Variants in RORA observed in about 807,000 individuals in gnomAD.
RORA encodes the protein RAR related orphan receptor A.
Under a neutral mutation model 69.5 loss-of-function variants are expected in RORA, and 7 were observed. The ratio of observed to expected loss-of-function variants is 0.10; its 90% CI spans 0.06 to 0.19. RORA has a LOEUF of 0.19. RORA is among the 10% of genes least tolerant of loss of function. The pLI is 1.00. For missense variants in RORA, 457 were observed against 663.0 expected (o/e 0.69, Z 3.41); for synonymous variants, 261 against 240.8 (o/e 1.08, Z -0.78).
intron 2 of RORA, among the ~76,000 whole-genome samples, chr15:60,539,170 T>C (rs1330503816): frequency 6.6e-6 from 1 of 152,196 alleles, no homozygotes; most frequent in Non-Finnish European, 1.5e-5. Flanking sequence ...GAATGTCCCA[T>C]CTGAATTAAG....
intron 1 of RORA, among the ~76,000 whole-genome samples, chr15:60,790,148 C>A (rs2072394637): frequency 6.6e-6 from 1 of 152,250 alleles, no homozygotes; most frequent in Admixed American, 6.5e-5. Context: ...CTCATAATTT[C>A]ACCCAGACCA....
chr15:61,034,052 A>T (rs1595898718), intron 1 of RORA, among the ~76,000 whole-genome samples: 1 of 152,216 alleles, frequency 6.6e-6, no homozygotes, highest in African/African-American at 2.4e-5. Context: ...AGGAAATTTA[A>T]AATTACATAT....
intron 1 of RORA, among the ~76,000 whole-genome samples, chr15:61,158,084 G>A (rs530916623): frequency 6.6e-6 from 1 of 152,286 alleles, no homozygotes; most frequent in Admixed American, 6.5e-5. Flanking sequence ...TTCCCTTTCA[G>A]AAGGGTTTGC....
chr15:60,558,526 T>C (rs1250639345), intron 2 of RORA: 2 of 435,592 alleles, frequency 4.6e-6, no homozygotes, highest in African/African-American at 4.1e-5. Context: ...TAAATGCGTA[T>C]GTTTGATGTT....
chr15:60,746,959 C>T (rs779514997), intron 1 of RORA, among the ~76,000 whole-genome samples: 3 of 152,172 alleles, frequency 2.0e-5, no homozygotes, highest in African/African-American at 4.8e-5. Flanking sequence ...TAGAAACTCA[C>T]CGATCGACTC....
chr15:60,592,632 CG>C (rs2068564474), intron 2 of RORA: 6 of 586,598 alleles, frequency 1.0e-5, no homozygotes, highest in Non-Finnish European at 1.2e-5. Flanking sequence ...CCTCCCGGGG[CG>C]GGAGGCGGGA....
chr15:61,089,343 C>A (rs1386343741), intron 1 of RORA, among the ~76,000 whole-genome samples: 1 of 152,188 alleles, frequency 6.6e-6, no homozygotes, highest in African/African-American at 2.4e-5. Flanking sequence ...GAACAGAGAC[C>A]TTGCTAACTT....
At chr15:60,516,219 A>T (rs1160303061) in intron 3 of RORA, among the ~76,000 whole-genome samples, 5 of 12,376 alleles carry the variant, frequency 4.0e-4, no homozygotes, top group South Asian at 3.0e-3. Flanking sequence ...TTATATATAT[A>T]TATTTATATA....
intron 1 of RORA, among the ~76,000 whole-genome samples, chr15:61,115,322 T>C (rs888247748): frequency 2.6e-5 from 4 of 152,166 alleles, no homozygotes; most frequent in South Asian, 4.2e-4. Context: ...AAGAGCACCA[T>C]TTAAAATGAA....
chr15:60,833,372 C>T (rs961058821), intron 1 of RORA, among the ~76,000 whole-genome samples: 8 of 152,100 alleles, frequency 5.3e-5, no homozygotes, highest in African/African-American at 1.4e-4. Flanking sequence ...TGCACCACCA[C>T]GCCTGGCTAA....
intron 1 of RORA, among the ~76,000 whole-genome samples, chr15:61,027,195 T>C (rs1566950096): frequency 6.6e-6 from 1 of 152,184 alleles, no homozygotes; most frequent in Non-Finnish European, 1.5e-5. Flanking sequence ...TTAGTTGAAT[T>C]GATATTCACT....
intron 1 of RORA, among the ~76,000 whole-genome samples, chr15:61,169,841 A>T (rs1268503219): frequency 6.6e-6 from 1 of 152,142 alleles, no homozygotes; most frequent in Non-Finnish European, 1.5e-5. Context: ...ATTGGATTTC[A>T]TCAGGAAGTA....
At chr15:60,692,904 T>G (rs888413995) in intron 1 of RORA, among the ~76,000 whole-genome samples, 2 of 152,198 alleles carry the variant, frequency 1.3e-5, no homozygotes, top group African/African-American at 4.8e-5. Flanking sequence ...CTTCTGAAAC[T>G]ATTTTAAACA....
chr15:60,739,951 A>G (rs1276884591), intron 1 of RORA, among the ~76,000 whole-genome samples: 1 of 152,150 alleles, frequency 6.6e-6, no homozygotes, highest in Non-Finnish European at 1.5e-5. Context: ...CTGACAATCC[A>G]AAACAGAGGA....
chr15:60,989,640 GA>G (rs1168610750), intron 1 of RORA, among the ~76,000 whole-genome samples: 2 of 152,316 alleles, frequency 1.3e-5, no homozygotes, highest in East Asian at 3.9e-4. Context: ...TGCCTGAGGT[GA>G]TTTAGCTTGT....
chr15:60,873,224 C>CGT (rs5813048), intron 1 of RORA, among the ~76,000 whole-genome samples: 4 of 139,844 alleles, frequency 2.9e-5, no homozygotes, highest in African/African-American at 7.8e-5. Flanking sequence ...GGGTAAAGGT[C>CGT]GTGTGTGTGT....
chr15:60,625,385 T>C (rs1231706930), intron 2 of RORA, among the ~76,000 whole-genome samples: 2 of 152,216 alleles, frequency 1.3e-5, no homozygotes, highest in African/African-American at 4.8e-5. Flanking sequence ...AAAGTCTCCA[T>C]GAAGGACCAC....
chr15:60,637,156 A>G (rs543506453), intron 2 of RORA, among the ~76,000 whole-genome samples: 4 of 152,236 alleles, frequency 2.6e-5, no homozygotes, highest in South Asian at 4.1e-4. Flanking sequence ...CCTATCGCCA[A>G]GAAAGCTGTA....
At chr15:61,001,974 A>G (rs1435208229) in intron 1 of RORA, among the ~76,000 whole-genome samples, 1 of 152,254 alleles carries the variant, frequency 6.6e-6, no homozygotes, top group East Asian at 1.9e-4. Flanking sequence ...AACTTCAAAC[A>G]GAGCGTGGCC....
Sources: gnomAD v4.1 joint callset for allele counts (sites outside exome capture counted in the v4.1 genomes callset) on GRCh38, gnomAD v4.1.1 for gene constraint, MANE v1.5 for transcripts, NCBI Gene and HGNC (gene_info 2026-07-23, HGNC 2026-07-21) for gene names.